Variants in FRAS1 observed in about 807,000 individuals in gnomAD.
FRAS1 encodes Fraser extracellular matrix complex subunit 1, also known as extracellular matrix organizing protein FRAS1.
FRAS1 carries 290 observed loss-of-function variants against 435.2 expected under a neutral mutation model. The ratio of observed to expected loss-of-function variants is 0.67; its 90% CI spans 0.61 to 0.73. FRAS1 has a LOEUF of 0.73. FRAS1 is among the 30% of genes least tolerant of loss of function. FRAS1 has a pLI of 0.00. For synonymous variants in FRAS1, 1,800 were observed against 1,851.0 expected (o/e 0.97, Z 0.71); for missense variants, 4,860 against 5,001.5 (o/e 0.97, Z 0.85).
chr4:78,476,231 A>G (rs1423986608), intron 54 of FRAS1, among the ~76,000 whole-genome samples: 2 of 152,226 alleles, frequency 1.3e-5, no homozygotes, highest in Admixed American at 1.3e-4. Context: ...ATTGTCTTAG[A>G]AAGAGCAGGT....
At chr4:78,117,326 C>T (rs888460450) in intron 2 of FRAS1, among the ~76,000 whole-genome samples, 16 of 152,088 alleles carry the variant, frequency 1.1e-4, no homozygotes, top group Admixed American at 2.0e-4. Context: ...TTGCTCTTCT[C>T]GAGGAATATC....
intron 2 of FRAS1, among the ~76,000 whole-genome samples, chr4:78,159,889 A>G (rs771581625): frequency 6.6e-6 from 1 of 152,184 alleles, no homozygotes; most frequent in Non-Finnish European, 1.5e-5. Context: ...TCAAAAAAAC[A>G]AAACAAAAAC....
In FRAS1 at chr4:78,296,616, G is replaced by T. The variant is rs561833400; in HGVS notation, c.1534+10077G>T. Among the ~76,000 whole-genome samples, 3 of 152,264 alleles carry T rather than the reference G, an allele frequency of 2.0e-5. No homozygotes were observed. In the East Asian group the frequency reaches 5.8e-4, roughly 29 times the overall value. On this transcript the variant is annotated intron_variant, in intron 14 of 73. Coordinates refer to ENST00000512123, the MANE Select transcript of FRAS1 (RefSeq NM_025074.7). ...GCTGTTGTTTTGTAGAGGTTGCAAG[G>T]AAAGAACTGCTAAGTGTGAAGCCCC...
In FRAS1 at chr4:78,540,866, C is replaced by G; in HGVS notation, c.11781C>G (p.Asn3927Lys). ...TGTTTTTGGTGGCTTGTTTTATCAACAGGAAATGCCAGAAACAGAGGAAGA... is the reference window on the plus strand; with the variant it reads ...TGTTTTTGGTGGCTTGTTTTATCAAGAGGAAATGCCAGAAACAGAGGAAGA... Reference protein sequence around the residue: ...LLVFLVACFINRKCQKQRKKK... With the variant: ...LLVFLVACFIKRKCQKQRKKK... Residue 3927 changes from asparagine (N) to lysine (K), a missense_variant, in exon 74 of 74, where the codon AAC becomes AAG. Physicochemically the swap from Asn to Lys is moderately conservative, Grantham distance 94. Transcript: ENST00000512123. 2 of 1,613,934 alleles carry G rather than the reference C, an allele frequency of 1.2e-6. No homozygotes were observed. Among genetic ancestry groups the G allele is most frequent in the Non-Finnish European group, 1.7e-6 (2 of 1,179,888 alleles).
In FRAS1 at chr4:78,466,350, G is replaced by T. The variant is rs778454575; in HGVS notation, c.7172G>T (p.Gly2391Val). The T allele has an allele frequency of 1.2e-6, 2 of 1,613,970 alleles. No homozygotes were observed. The highest frequency in any genetic ancestry group is 8.5e-7 in the Non-Finnish European group (1 of 1,179,870). The change falls in exon 50 of 74, where the codon GGC becomes GTC. Residue 2391 changes from glycine to valine, a missense_variant. By Grantham distance (109) the Gly-to-Val change is moderately radical. Coordinates refer to ENST00000512123, the MANE Select transcript of FRAS1 (RefSeq NM_025074.7). ...YQNRVSYSHD[G>V]SNSLKDRFTF... ...AACCGGGTCAGCTACAGCCATGACG[G>T]CAGTAACTCCCTCAAGGACCGGTTC...
chr4:78,312,570 A>C (rs1215961045), intron 15 of FRAS1, among the ~76,000 whole-genome samples: 1 of 152,040 alleles, frequency 6.6e-6, no homozygotes, highest in Non-Finnish European at 1.5e-5. Context: ...TCACACCTAT[A>C]ATCCCAGCAC....
At chr4:78,195,119 T>C (rs1722742455) in intron 2 of FRAS1, among the ~76,000 whole-genome samples, 1 of 152,184 alleles carries the variant, frequency 6.6e-6, no homozygotes, top group South Asian at 2.1e-4. Flanking sequence ...TGCTGCCTGA[T>C]CGTTCCTCCG....
At chr4:78,141,516 A>G (rs768429111) in intron 2 of FRAS1, among the ~76,000 whole-genome samples, 1 of 152,146 alleles carries the variant, frequency 6.6e-6, no homozygotes. Flanking sequence ...AAGGCATAAG[A>G]AAGTTATTAA....
intron 28 of FRAS1, among the ~76,000 whole-genome samples, chr4:78,386,696 A>C (rs1009929864): frequency 1.3e-5 from 2 of 152,100 alleles, no homozygotes; most frequent in Admixed American, 1.3e-4. Flanking sequence ...GTTGTGGTTC[A>C]TTAGCTTTTA....
intron 1 of FRAS1, among the ~76,000 whole-genome samples, chr4:78,065,081 T>TATACAC (rs1553915420): frequency 2.9e-4 from 37 of 125,636 alleles, no homozygotes; most frequent in African/African-American, 7.6e-4. Context: ...TATATATATA[T>TATACAC]ATACATACAC....
intron 2 of FRAS1, among the ~76,000 whole-genome samples, chr4:78,136,063 G>A (rs956772888): frequency 1.9e-4 from 29 of 152,280 alleles, no homozygotes; most frequent in African/African-American, 6.7e-4. Context: ...ATGGCTAACA[G>A]CACTATAACT....
chr4:78,526,662 G>A lies in FRAS1; in HGVS notation c.10925+5G>A. On this transcript the variant is annotated splice_donor_5th_base_variant and intron_variant, in intron 70 of 73. Transcript: ENST00000512123. ...CACTGCACATGCCCCAGAAAGGTAG[G>A]AAAATATAGTCAATCCTCATTATTT... is the stretch of plus-strand genomic sequence containing the variant. 6.6e-7 allele frequency: 1 copy of A among 1,505,748 alleles called. No individual in the cohort carries two copies. The highest frequency in any genetic ancestry group is 9.0e-7 in the Non-Finnish European group (1 of 1,115,066). The allele number at this position is 1,505,748 out of a possible 1,614,324, so 93.3% of individuals were successfully genotyped here.
intron 29 of FRAS1, among the ~76,000 whole-genome samples, chr4:78,400,152 A>AT (rs1732824357): frequency 1.3e-5 from 2 of 152,210 alleles, no homozygotes; most frequent in African/African-American, 4.8e-5. Flanking sequence ...GTCTCTACTT[A>AT]GAAATCCAAT....
At chr4:78,065,616 C>A (rs1245813157) in intron 1 of FRAS1, among the ~76,000 whole-genome samples, 1 of 152,080 alleles carries the variant, frequency 6.6e-6, no homozygotes, top group Non-Finnish European at 1.5e-5. Context: ...GGACTGGAGG[C>A]TTAGTGTAAG....
chr4:78,284,335 T>C, intron 12 of FRAS1, 70 bp from the exon 13 acceptor site: 1 of 1,534,628 alleles, frequency 6.5e-7, no homozygotes, highest in Non-Finnish European at 9.0e-7. Context: ...GTAGATTCTT[T>C]TCTGAAGGAT....
rs1044107641 is a variant in FRAS1 at position 78,099,574 on chromosome 4, A to G, written c.108+33558A>G. On this transcript the variant is annotated intron_variant, in intron 2 of 73. Transcript: ENST00000512123. ...CACTTACTATGTTCCTGGCACTGTTACAGGTGCTTCACACTTATCCATTCA... is the reference window on the plus strand; with the variant it reads ...CACTTACTATGTTCCTGGCACTGTTGCAGGTGCTTCACACTTATCCATTCA... 7.9e-5 allele frequency among the ~76,000 whole-genome samples: 12 copies of G among 152,220 alleles called. No homozygotes were observed. The South Asian group carries it at 2.5e-3, about 32-fold the overall frequency.
At chr4:78,096,921 C>T (rs1038092344) in intron 2 of FRAS1, among the ~76,000 whole-genome samples, 4 of 152,200 alleles carry the variant, frequency 2.6e-5, no homozygotes, top group African/African-American at 9.6e-5. Context: ...TTGAATTTCT[C>T]CTCAGAAAAA....
chr4:78,404,068 A>G (rs1484467117), intron 30 of FRAS1, among the ~76,000 whole-genome samples: 1 of 152,198 alleles, frequency 6.6e-6, no homozygotes, highest in Non-Finnish European at 1.5e-5. Flanking sequence ...TAGATTTGAA[A>G]GTAGATATGA....
At chr4:78,527,943 C>A (rs903925236) in intron 70 of FRAS1, among the ~76,000 whole-genome samples, 8 of 152,032 alleles carry the variant, frequency 5.3e-5, no homozygotes, top group Non-Finnish European at 1.2e-4. Flanking sequence ...AGATCCAGGG[C>A]ATGAGGGAAG....
Sources: allele counts gnomAD v4.1 joint callset (sites outside exome capture counted in the v4.1 genomes callset), GRCh38; gene constraint gnomAD v4.1.1; transcripts MANE v1.5; gene names NCBI Gene and HGNC (gene_info 2026-07-23, HGNC 2026-07-21).